Variants in CENPT observed in about 807,000 individuals in gnomAD.
CENPT encodes the protein centromere protein T, also known as interphase centromere complex protein 22.
Under a neutral mutation model 59.7 loss-of-function variants are expected in CENPT, and 42 were observed. The ratio of observed to expected loss-of-function variants is 0.70; its 90% confidence interval spans 0.55 to 0.91. The LOEUF is 0.91. Among genes scored for constraint, CENPT ranks in the 40% least tolerant of loss-of-function variants. The pLI is 0.00. For synonymous variants in CENPT, 295 were observed against 289.6 expected, an observed-to-expected ratio of 1.02 and a Z score of -0.19; for missense variants, 716 against 713.4, an observed-to-expected ratio of 1.00 and a Z score of -0.04.
At chr16:67,838,390 G>A (rs1202323482) in intron 1 of CENPT, among the ~76,000 whole-genome samples, 1 of 152,124 alleles carries the variant, frequency 6.6e-6, no homozygotes, top group Non-Finnish European at 1.5e-5. Flanking sequence ...GGGAGGCCGA[G>A]GCAGGCTGAT....
At chr16:67,844,568 C>T (rs2057784975) in intron 1 of CENPT, among the ~76,000 whole-genome samples, 1 of 152,236 alleles carries the variant, frequency 6.6e-6, no homozygotes, top group African/African-American at 2.4e-5. Flanking sequence ...ATCCCTTAGG[C>T]TTAGCACAGC....
chr16:67,841,706 A>C (rs2057762324), intron 1 of CENPT: 1 of 152,266 alleles, frequency 6.6e-6, no homozygotes, highest in Non-Finnish European at 1.5e-5. Flanking sequence ...CGTGTCAGCC[A>C]CATAGTAGGC....
In CENPT at chr16:67,828,516, C is replaced by T. The variant is rs573619904; in HGVS notation, c.1520G>A (p.Arg507His). 8 of 1,614,196 alleles carry T rather than the reference C, an allele frequency of 5.0e-6. No individual in the cohort carries two copies. The highest frequency in any genetic ancestry group is 3.3e-5 in the Admixed American group (2 of 60,020). Residue 507 changes from arginine to histidine, a missense_variant, in exon 15 of 16, where the codon CGC (arginine) becomes CAC (histidine). By Grantham distance (29) the Arg-to-His change is conservative. Transcript: ENST00000562787. ...DLEVFAAHAG[R>H]KTVKPEDLEL... is the part of the protein sequence containing the mutation. The stretch of plus-strand genomic sequence containing the variant: ...CAGGTCCTCTGGCTTCACAGTCTTG[C>T]GGCCAGCATGAGCAGCAAATACCTC...
At chr16:67,838,437 C>G (rs143399800) in intron 1 of CENPT, among the ~76,000 whole-genome samples, 1 of 151,178 alleles carries the variant, frequency 6.6e-6, no homozygotes, top group African/African-American at 2.4e-5. Context: ...GCCCGGACAA[C>G]GTGGTGAAAC....
chr16:67,832,203 G>T, intron 6 of CENPT, 25 bp downstream of exon 6: 1 of 1,613,250 alleles, frequency 6.2e-7, no homozygotes, highest in South Asian at 1.1e-5. Context: ...ACCTAACTCT[G>T]ACCGGCAGGC....
Position 67,829,990 on chromosome 16 carries a change from C to A in CENPT, c.961G>T (p.Asp321Tyr), listed in dbSNP as rs377015426. 1 of 1,614,266 alleles carries A rather than the reference C, an allele frequency of 6.2e-7. No homozygotes were observed. Among genetic ancestry groups the A allele is most frequent in the Non-Finnish European group, 8.5e-7 (1 of 1,180,054 alleles). Reference sequence around the variant, plus strand: ...CCATCGTGTAAGGGCTCTACTTCATCTTCTCCAGAGACACCACTGCTGGTG... The same window carrying A: ...CCATCGTGTAAGGGCTCTACTTCATATTCTCCAGAGACACCACTGCTGGTG... ...LSTSSGVSGE[D>Y]EVEPLHDGVE... The change falls in exon 12 of 16, where the codon GAT becomes TAT. Residue 321 changes from aspartate to tyrosine, a missense_variant. By Grantham distance (160) the Asp-to-Tyr change is radical. Coordinates refer to ENST00000562787, the MANE Select transcript of CENPT (RefSeq NM_025082.4).
Position 67,832,483 on chromosome 16 carries a change from ATCGTC to A in CENPT, c.168_172del (p.Arg56SerfsTer49). On this transcript the variant is annotated frameshift_variant, in exon 5 of 16. Transcript: ENST00000562787. LOFTEE classifies it high-confidence loss of function. ...GGCTCCATGGGAACGCCCTCTGGCT[ATCGTC>A]CTTGTTTGGCCACTCAACTTCCTGG... 6.2e-7 allele frequency: 1 copy of A among 1,614,172 alleles called. No homozygotes were observed. The highest frequency in any genetic ancestry group is 8.5e-7 in the Non-Finnish European group (1 of 1,180,028).
rs1350537713 is a variant in CENPT at position 67,843,426 on chromosome 16, A to G, written c.-492+3975T>C. 6.2e-7 allele frequency: 1 copy of G among 1,613,986 alleles called. No individual in the cohort carries two copies. On this transcript the variant is annotated intron_variant, in intron 1 of 15. Transcript: ENST00000562787. This position sits in a 1 kb window ranked among gnomAD's most constrained non-coding sequence, Gnocchi z 5.7. ...CGCCACCTGCGTCTCACTGAGGCCA[A>G]GCTGCGCGAAGAACTGCGTGAGAAG...
intron 1 of CENPT, among the ~76,000 whole-genome samples, chr16:67,837,363 G>A (rs1045531492): frequency 6.6e-6 from 1 of 151,878 alleles, no homozygotes; most frequent in Non-Finnish European, 1.5e-5. Flanking sequence ...ACGTACAGGC[G>A]GGGTTTCACC....
rs1443392998 is a variant in CENPT, at chr16:67,830,948, C to G, written c.703+268G>C. 7.3e-6 allele frequency: 4 copies of G among 544,742 alleles called. No individual in the cohort carries two copies. In the African/African-American group the frequency reaches 7.6e-5, roughly 10 times the overall value. 33.7% of individuals were successfully genotyped at this position (544,742 alleles called of 1,614,324 possible). On this transcript the variant is annotated intron_variant, in intron 10 of 15. Coordinates refer to ENST00000562787, the MANE Select transcript of CENPT (RefSeq NM_025082.4). The stretch of plus-strand genomic sequence containing the variant: ...CAGCTGATCCTGAAACCTGGCCCCT[C>G]TCAACAAGTTTTGGCCACCACACCA...
At chr16:67,836,881 A>G (rs898603248) in intron 1 of CENPT, among the ~76,000 whole-genome samples, 1 of 152,132 alleles carries the variant, frequency 6.6e-6, no homozygotes, top group Non-Finnish European at 1.5e-5. Context: ...AGCTGGGAGT[A>G]CAGGCGCCCA....
In CENPT at chr16:67,833,907, G is replaced by GC. The variant is rs1163282125; in HGVS notation, c.-49dup. 21 of 1,227,522 alleles carry GC rather than the reference G, an allele frequency of 1.7e-5. No homozygotes were observed. The highest frequency in any genetic ancestry group is 2.3e-5 in the Non-Finnish European group (21 of 917,884). 76.0% of individuals were successfully genotyped at this position (1,227,522 alleles called of 1,614,324 possible). A position where few individuals can be genotyped will look rare whatever the true frequency, so the allele number is the denominator to read the frequency against. ...AACCGCCCAGCCAGCTGCAGGCTCC[G>GC]CCTTCCCGCCGCCACAGTTAATGTA... On this transcript the variant is annotated 5_prime_UTR_variant, in exon 4 of 16. Transcript: ENST00000562787.
Position 67,842,523 on chromosome 16 carries a change from C to A in CENPT, c.-492+4878G>T, listed in dbSNP as rs3743734. The A allele has an allele frequency of 6.8e-7, 1 of 1,473,504 alleles. No homozygotes were observed. Among genetic ancestry groups the A allele is most frequent in the East Asian group, 2.5e-5 (1 of 40,006 alleles). The allele number at this position is 1,473,504 out of a possible 1,614,324, so 91.3% of individuals were successfully genotyped here. ...TGGGCCGTCGAAGAGCGCAGGAGGCCGGTGGGCCGGGCCGGGCCGCGCGGC... is the reference window on the plus strand; with the variant it reads ...TGGGCCGTCGAAGAGCGCAGGAGGCAGGTGGGCCGGGCCGGGCCGCGCGGC... On this transcript the variant is annotated intron_variant, in intron 1 of 15. Transcript: ENST00000562787. The surrounding 1 kb of genome is among the most constrained non-coding windows in gnomAD (Gnocchi z 4.9).
At chr16:67,844,874 T>C (rs945202251) in intron 1 of CENPT, among the ~76,000 whole-genome samples, 81 of 152,060 alleles carry the variant, frequency 5.3e-4, no homozygotes, top group African/African-American at 1.9e-3. Context: ...CTGCAACCTC[T>C]GCCTCCCAGG....
At position 67,842,550 on chromosome 16, in the gene CENPT, C is replaced by T. The variant is rs1259082869; in HGVS notation, c.-492+4851G>A. 1.3e-6 allele frequency: 2 copies of T among 1,513,030 alleles called. No homozygotes were observed. Among genetic ancestry groups the T allele is most frequent in the Non-Finnish European group, 1.8e-6 (2 of 1,126,024 alleles). The allele number at this position is 1,513,030 out of a possible 1,614,324, so 93.7% of individuals were successfully genotyped here. ...GTGGGCCGGGCCGGGCCGCGCGGCG[C>T]AGCCATGCCTGGCTTTACGTGCTGC... On this transcript the variant is annotated intron_variant, in intron 1 of 15. Coordinates refer to ENST00000562787, the MANE Select transcript of CENPT (RefSeq NM_025082.4). This position sits in a 1 kb window ranked among gnomAD's most constrained non-coding sequence, Gnocchi z 4.9.
intron 12 of CENPT, 110 bp downstream of exon 12, chr16:67,829,655 T>C: frequency 7.4e-7 from 1 of 1,356,466 alleles, no homozygotes; most frequent in Non-Finnish European, 1.0e-6. Flanking sequence ...AGTGTCTCCC[T>C]GACCCCCTAC....
At position 67,843,002 on chromosome 16, in the gene CENPT, G is replaced by A; in HGVS notation, c.-492+4399C>T. The stretch of plus-strand genomic sequence containing the variant: ...GACTGCCCAGCTGCAGCCGAACCTG[G>A]TATCTGCTTCCGCGGCCGTGCTTCT... On this transcript the variant is annotated intron_variant, in intron 1 of 15. Transcript: ENST00000562787. The surrounding 1 kb of genome is among the most constrained non-coding windows in gnomAD (Gnocchi z 5.7). 2 of 1,612,618 alleles carry A rather than the reference G, an allele frequency of 1.2e-6. No homozygotes were observed. Among genetic ancestry groups the A allele is most frequent in the Non-Finnish European group, 1.7e-6 (2 of 1,180,028 alleles).
chr16:67,834,233 T>C (rs994004609), intron 3 of CENPT, 133 bp from the exon 4 acceptor site: 2 of 190,164 alleles, frequency 1.1e-5, no homozygotes, highest in East Asian at 1.2e-4. Context: ...GAAGGCTCTC[T>C]CATTCCCATC....
At position 67,828,372 on chromosome 16, in the gene CENPT, G is replaced by A. The variant is rs1214088200; in HGVS notation, c.1581C>T (p.Asp527=). 1 of 1,610,526 alleles carries A rather than the reference G, an allele frequency of 6.2e-7. No homozygotes were observed. The highest frequency in any genetic ancestry group is 1.1e-5 in the South Asian group (1 of 90,918). The stretch of plus-strand genomic sequence containing the variant: ...CCACTAGCACGTGCAGTGAGACTTG[G>A]TCAGTGACCAGGCCCTGCCTGCAGT... ...LLMRRQGLVT[D]QVSLHVLVER... is the part of the protein sequence containing the mutation. The change falls in exon 16 of 16, where the codon GAC becomes GAT. Residue 527 remains aspartate, a synonymous_variant. Coordinates refer to ENST00000562787, the MANE Select transcript of CENPT (RefSeq NM_025082.4).
Sources: gnomAD v4.1 joint callset for allele counts (sites outside exome capture counted in the v4.1 genomes callset) on GRCh38, gnomAD v4.1.1 for gene constraint, Gnocchi (gnomAD v3.1) non-coding constraint, MANE v1.5 for transcripts, NCBI Gene and HGNC (gene_info 2026-07-23, HGNC 2026-07-21) for gene names.